XAF1: variants seen among roughly 807,000 people sequenced by gnomAD.
XAF1 encodes the protein XIAP associated factor 1.
XAF1 carries 32 observed loss-of-function variants against 32.3 expected under a neutral mutation model. The ratio of observed to expected loss-of-function variants is 0.99; its 90% confidence interval spans 0.75 to 1.33. XAF1 has a LOEUF of 1.33. Among genes scored for constraint, XAF1 ranks in the 40% most tolerant of loss-of-function variants. The probability of loss-of-function intolerance (pLI) is 0.00; values close to 1 mark genes in which losing one functional copy is unlikely to be tolerated. For synonymous variants in XAF1, 120 were observed against 125.9 expected (o/e 0.95, Z 0.31); for missense variants, 379 against 366.0 (o/e 1.04, Z -0.29).
intron 4 of XAF1, chr17:6,761,944 A>G (rs551419095): frequency 1.3e-6 from 2 of 1,521,616 alleles, no homozygotes; most frequent in South Asian, 1.2e-5. Flanking sequence ...CCCTGAGTGC[A>G]CATCTGTGGC....
chr17:6,756,725 A>G (rs1974704061), intron 1 of XAF1, among the ~76,000 whole-genome samples: 1 of 152,180 alleles, frequency 6.6e-6, no homozygotes, highest in Non-Finnish European at 1.5e-5. Flanking sequence ...GCCCAGGAAG[A>G]GCAGGGGGAG....
In XAF1 at chr17:6,773,195, A is replaced by C. The variant is rs779572086; in HGVS notation, c.*26A>C. On this transcript the variant is annotated 3_prime_UTR_variant, in exon 7 of 7. Coordinates refer to ENST00000361842, the MANE Select transcript of XAF1 (RefSeq NM_017523.5). ...ATTTGGAAAAGGAAAGGTACTACAAATTCAAAAGATTTCACTTTTAACACT... is the reference window on the plus strand; with the variant it reads ...ATTTGGAAAAGGAAAGGTACTACAACTTCAAAAGATTTCACTTTTAACACT... 2 of 1,586,468 alleles carry C rather than the reference A, an allele frequency of 1.3e-6. No homozygotes were observed. Among genetic ancestry groups the C allele is most frequent in the Non-Finnish European group, 1.7e-6 (2 of 1,167,624 alleles).
In XAF1 at chr17:6,759,830, C is replaced by T. The variant is rs1975036465; in HGVS notation, c.225+112C>T. 3 of 1,555,946 alleles carry T rather than the reference C, an allele frequency of 1.9e-6. No individual in the cohort carries two copies. The African/African-American group carries it at 4.1e-5, about 21-fold the overall frequency. On this transcript the variant is annotated intron_variant, in intron 3 of 6. Coordinates refer to ENST00000361842, the MANE Select transcript of XAF1 (RefSeq NM_017523.5). Reference sequence around the variant, plus strand: ...GAGATTTCCACCTGACCACTCTTTTCACCCCATTAGGCTTGGAGAGCAGTG... The same window carrying T: ...GAGATTTCCACCTGACCACTCTTTTTACCCCATTAGGCTTGGAGAGCAGTG...
At chr17:6,757,280 G>C (rs937446895) in intron 1 of XAF1, 11 of 152,418 alleles carry the variant, frequency 7.2e-5, no homozygotes, top group Non-Finnish European at 1.2e-4. Flanking sequence ...TGGGATTACA[G>C]GCATGAGCCA....
In XAF1 at chr17:6,761,150, G is replaced by T. The variant is rs948421384; in HGVS notation, c.421+549G>T. 4.2e-5 allele frequency among the ~76,000 whole-genome samples: 6 copies of T among 141,648 alleles called. No homozygotes were observed. In the East Asian group the frequency reaches 1.3e-3, roughly 30 times the overall value. The allele number at this position is 141,648 out of a possible 152,430, so 92.9% of individuals were successfully genotyped here. A position where few individuals can be genotyped will look rare whatever the true frequency, so the allele number is the denominator to read the frequency against. ...GCCTGGGCAACAAGAGCAAAACTCT[G>T]TCTCAAAAAAAAAAGGGGGGGACCA... On this transcript the variant is annotated intron_variant, in intron 4 of 6. Coordinates refer to ENST00000361842, the MANE Select transcript of XAF1 (RefSeq NM_017523.5).
At chr17:6,759,357 G>A (rs1974987453) in intron 2 of XAF1, 2 of 1,342,642 alleles carry the variant, frequency 1.5e-6, no homozygotes, top group Non-Finnish European at 1.9e-6. Flanking sequence ...GGTCCTGGAA[G>A]GCAGTCAGAT....
chr17:6,770,768 TC>T lies in XAF1; in HGVS notation c.635del (p.Pro212GlnfsTer6), dbSNP rs1262312384. 1.2e-6 allele frequency: 2 copies of T among 1,613,912 alleles called. No homozygotes were observed. The highest frequency in any genetic ancestry group is 1.3e-5 in the African/African-American group (1 of 74,894). On this transcript the variant is annotated frameshift_variant, in exon 6 of 7. Coordinates refer to ENST00000361842, the MANE Select transcript of XAF1 (RefSeq NM_017523.5). LOFTEE classifies it high-confidence loss of function. ...CTTCCACGATGGAGAAAGATGTTCG[TC>T]CAAAGACAAGAAGTATAAACAGATT... ...QTSTMEKDVR[P>X]KTRSINRFPL... is the part of the protein sequence containing the mutation.
Position 6,760,533 on chromosome 17 carries a change from T to C in XAF1, c.353T>C (p.Phe118Ser). Reference sequence around the variant, plus strand: ...GAGCTCTGCCAAGGCTGTGGCCAGTTCATCATGCACCGCATGCTCGCCCAG... The same window carrying C: ...GAGCTCTGCCAAGGCTGTGGCCAGTCCATCATGCACCGCATGCTCGCCCAG... ...RTELCQGCGQ[F>S]IMHRMLAQHR... is the part of the protein sequence containing the mutation. Residue 118 changes from phenylalanine to serine, a missense_variant, in exon 4 of 7, where the codon TTC becomes TCC. Phe to Ser is a radical substitution (Grantham distance 155, BLOSUM62 -2). Transcript: ENST00000361842. 1 of 1,613,740 alleles carries C rather than the reference T, an allele frequency of 6.2e-7. No individual in the cohort carries two copies. The highest frequency in any genetic ancestry group is 8.5e-7 in the Non-Finnish European group (1 of 1,179,970).
At position 6,774,922 on chromosome 17, in the gene XAF1, T is replaced by A. The variant is rs1218270290; in HGVS notation, c.*1753T>A. On this transcript the variant is annotated 3_prime_UTR_variant, in exon 7 of 7. Transcript: ENST00000361842. ...CAGGCGTGGTGGCGAGCACCTGTCA[T>A]CCCAGCTACTTGGGAGGCCTAGGCG... 2.0e-5 allele frequency: 3 copies of A among 151,966 alleles called. No homozygotes were observed. The highest frequency in any genetic ancestry group is 6.6e-5 in the Admixed American group (1 of 15,238). 9.4% of individuals were successfully genotyped at this position (151,966 alleles called of 1,614,324 possible).
Position 6,770,642 on chromosome 17 carries a change from G to C in XAF1, c.508-1G>C, listed in dbSNP as rs763955529. 6.3e-7 allele frequency: 1 copy of C among 1,576,156 alleles called. No homozygotes were observed. The highest frequency in any genetic ancestry group is 2.2e-5 in the East Asian group (1 of 44,644). Reference sequence around the variant, plus strand: ...ATTTGATATATTATTCACAATTGCAGGGTAAATGTTGTCCAGACTCAGAGT... The same window carrying C: ...ATTTGATATATTATTCACAATTGCACGGTAAATGTTGTCCAGACTCAGAGT... On this transcript the variant is annotated splice_acceptor_variant, in intron 5 of 6. Coordinates refer to ENST00000361842, the MANE Select transcript of XAF1 (RefSeq NM_017523.5). LOFTEE classifies it high-confidence loss of function.
At position 6,770,636 on chromosome 17, in the gene XAF1, A is replaced by T. The variant is rs201665314; in HGVS notation, c.508-7A>T. ...TTTAAAATTTGATATATTATTCACA[A>T]TTGCAGGGTAAATGTTGTCCAGACT... On this transcript the variant is annotated splice_polypyrimidine_tract_variant and splice_region_variant and intron_variant, in intron 5 of 6. Coordinates refer to ENST00000361842, the MANE Select transcript of XAF1 (RefSeq NM_017523.5). The T allele has an allele frequency of 1.2e-5, 18 of 1,563,388 alleles. No homozygotes were observed. The East Asian group carries it at 3.6e-4, about 31-fold the overall frequency.
At chr17:6,761,762 C>A in intron 4 of XAF1, 1 of 1,126,420 alleles carries the variant, frequency 8.9e-7, no homozygotes, top group Non-Finnish European at 1.2e-6. Context: ...TCAACACTGT[C>A]AACAAAAATG....
intron 5 of XAF1, 85 bp downstream of exon 5, chr17:6,762,325 C>T (rs1397342362): frequency 1.7e-6 from 2 of 1,166,818 alleles, no homozygotes; most frequent in African/African-American, 1.5e-5. Flanking sequence ...GATTCTGGGC[C>T]CAATTTTACA....
intron 5 of XAF1, among the ~76,000 whole-genome samples, chr17:6,768,267 G>A (rs981363369): frequency 6.6e-6 from 1 of 152,086 alleles, no homozygotes; most frequent in Non-Finnish European, 1.5e-5. Flanking sequence ...GGTACTACAG[G>A]TGTGTGCCAC....
At chr17:6,759,203 A>G (rs1207932449) in intron 2 of XAF1, 5 of 1,037,070 alleles carry the variant, frequency 4.8e-6, no homozygotes, top group East Asian at 8.9e-5. Context: ...TGCCTTTTTC[A>G]TGCTAATCTG....
At chr17:6,760,175 C>T (rs1975067854) in intron 3 of XAF1, among the ~76,000 whole-genome samples, 2 of 152,008 alleles carry the variant, frequency 1.3e-5, no homozygotes, top group East Asian at 3.9e-4. Flanking sequence ...TGGTGAAACC[C>T]CGTCTCTACT....
rs773669960 is a variant in XAF1, at chr17:6,773,116, A to G, written c.853A>G (p.Lys285Glu). 37 of 1,604,950 alleles carry G rather than the reference A, an allele frequency of 2.3e-5. No individual in the cohort carries two copies. Among genetic ancestry groups the G allele is most frequent in the Non-Finnish European group, 3.1e-5 (36 of 1,177,468 alleles). Reference protein sequence around the residue: ...PLPILNQHQEKCRWLASSKGK... With the variant: ...PLPILNQHQEECRWLASSKGK... ...TTTTTTTATATCCATTTCTTAGGAG[A>G]AATGCCGGTGGTTAGCTTCATCAAA... is the stretch of plus-strand genomic sequence containing the variant. The change falls in exon 7 of 7, where the codon AAA (lysine) becomes GAA (glutamate). Residue 285 changes from lysine to glutamate, a missense_variant. By Grantham distance (56) the Lys-to-Glu change is moderately conservative. Coordinates refer to ENST00000361842, the MANE Select transcript of XAF1 (RefSeq NM_017523.5).
At chr17:6,771,152 C>A (rs1200963048) in intron 6 of XAF1, 168 bp downstream of exon 6, 4 of 639,958 alleles carry the variant, frequency 6.3e-6, no homozygotes, top group African/African-American at 3.7e-5. Context: ...CACTTACCAC[C>A]TGGTTTATTT....
At chr17:6,761,784 C>T (rs1037242781) in intron 4 of XAF1, 9 of 1,249,918 alleles carry the variant, frequency 7.2e-6, no homozygotes, top group Admixed American at 4.9e-5. Flanking sequence ...GTTCAACCAA[C>T]ACCTGGTCTG....
Sources: gnomAD v4.1 joint callset for allele counts (sites outside exome capture counted in the v4.1 genomes callset) on GRCh38, gnomAD v4.1.1 for gene constraint, MANE v1.5 for transcripts, NCBI Gene and HGNC (gene_info 2026-07-23, HGNC 2026-07-21) for gene names.